The following NMU variants were observed in gnomAD, a reference collection of about 807,000 sequenced individuals.
NMU encodes the protein neuromedin-U.
In NMU, 29 loss-of-function variants were observed where a neutral mutation model predicts 35.4. The observed-to-expected ratio is 0.82, with a 90% CI of 0.61 to 1.12. NMU has a LOEUF of 1.12. Among genes scored for constraint, NMU ranks in the 50% most tolerant of loss-of-function variants. The pLI, the probability that NMU is intolerant of heterozygous loss-of-function variation, is 0.00. For synonymous variants in NMU, 78 were observed against 81.3 expected (o/e 0.96, Z 0.22); for missense variants, 199 against 206.2 (o/e 0.97, Z 0.21).
intron 1 of NMU, among the ~76,000 whole-genome samples, chr4:55,633,060 C>T (rs1029015848): frequency 6.6e-6 from 1 of 151,582 alleles, no homozygotes; most frequent in Non-Finnish European, 1.5e-5. Flanking sequence ...TGCAGTGGCT[C>T]ACACCTGTAA....
chr4:55,616,288 G>T, intron 3 of NMU, 50 bp downstream of exon 3: 1 of 1,317,058 alleles, frequency 7.6e-7, no homozygotes, highest in Non-Finnish European at 1.1e-6. Flanking sequence ...GAGAGTTTAA[G>T]CACTACACAA....
intron 7 of NMU, 134 bp from the exon 8 acceptor site, chr4:55,600,709 T>C (rs11727729): frequency 0.06 from 39,569 of 662,344 alleles, 1,436 homozygotes; most frequent in Non-Finnish European, 0.076. Context: ...GGGACTTGAA[T>C]AGAGAATTTT....
intron 2 of NMU, among the ~76,000 whole-genome samples, chr4:55,619,274 G>A (rs745860442): frequency 3.0e-4 from 44 of 148,144 alleles, no homozygotes; most frequent in East Asian, 8.2e-4. Flanking sequence ...TCACTAGGGA[G>A]TGCCAGACAG....
At position 55,609,103 on chromosome 4, in the gene NMU, C is replaced by T. The variant is rs753215268; in HGVS notation, c.279+17G>A. On this transcript the variant is annotated intron_variant, in intron 4 of 9. Coordinates refer to ENST00000264218, the MANE Select transcript of NMU (RefSeq NM_006681.4). ...GGATAATTTTTGTCTACAAACAAAACACTATTTCAAGCTTACCTGAGGCTT... is the reference window on the plus strand; with the variant it reads ...GGATAATTTTTGTCTACAAACAAAATACTATTTCAAGCTTACCTGAGGCTT... 1 of 1,608,994 alleles carries T rather than the reference C, an allele frequency of 6.2e-7. No homozygotes were observed.
At chr4:55,618,741 TTTC>T (rs1354703690) in intron 2 of NMU, among the ~76,000 whole-genome samples, 1 of 130,556 alleles carries the variant, frequency 7.7e-6, no homozygotes, top group Non-Finnish European at 1.6e-5. Context: ...TTTCTTTCTT[TTTC>T]TTCTCTTTCT....
At chr4:55,634,947 G>A (rs950579405) in intron 1 of NMU, among the ~76,000 whole-genome samples, 8 of 152,090 alleles carry the variant, frequency 5.3e-5, no homozygotes, top group African/African-American at 1.9e-4. Flanking sequence ...ACAATGAGAG[G>A]AGAATAATAA....
At chr4:55,631,014 G>A (rs1734733148) in intron 1 of NMU, among the ~76,000 whole-genome samples, 1 of 152,030 alleles carries the variant, frequency 6.6e-6, no homozygotes, top group Admixed American at 6.6e-5. Context: ...AGAGAACAAA[G>A]AAAGAAAGCC....
At chr4:55,608,458 CAG>C (rs1733793727) in intron 4 of NMU, among the ~76,000 whole-genome samples, 1 of 152,182 alleles carries the variant, frequency 6.6e-6, no homozygotes, top group East Asian at 1.9e-4. Context: ...GTATGGAAGT[CAG>C]AGTGTACCAA....
At chr4:55,630,968 G>T (rs1734731258) in intron 1 of NMU, among the ~76,000 whole-genome samples, 2 of 152,074 alleles carry the variant, frequency 1.3e-5, no homozygotes, top group Admixed American at 6.6e-5. Flanking sequence ...TATGGTACTG[G>T]TATAAAAATA....
At chr4:55,608,174 CAAAAA>C (rs3035745) in intron 4 of NMU, among the ~76,000 whole-genome samples, 28 of 110,392 alleles carry the variant, frequency 2.5e-4, no homozygotes, top group Middle Eastern at 4.6e-3. Context: ...GACTCCATCT[CAAAAA>C]AAAAAAAAAA....
chr4:55,603,973 A>C (rs1733549802), intron 7 of NMU, among the ~76,000 whole-genome samples: 1 of 96,250 alleles, frequency 1.0e-5, no homozygotes, highest in Non-Finnish European at 2.3e-5. Flanking sequence ...ATATACGTAT[A>C]TATGTATATA....
chr4:55,598,089 G>GTTTTTTTTTTTT (rs10588154), intron 9 of NMU, among the ~76,000 whole-genome samples: 2 of 85,394 alleles, frequency 2.3e-5, no homozygotes, highest in African/African-American at 8.6e-5. Context: ...TTTGGTTGTG[G>GTTTTTTTTTTTT]TTTTTTTTTT....
At chr4:55,630,291 T>A (rs1242338795) in intron 2 of NMU, 111 bp downstream of exon 2, 2 of 871,886 alleles carry the variant, frequency 2.3e-6, no homozygotes, top group Non-Finnish European at 3.8e-6. Flanking sequence ...GGTTTTATTA[T>A]TAGAGTGTTG....
intron 3 of NMU, among the ~76,000 whole-genome samples, chr4:55,610,826 T>C (rs1255242244): frequency 6.6e-6 from 1 of 152,232 alleles, no homozygotes; most frequent in Non-Finnish European, 1.5e-5. Flanking sequence ...AAGATTATTA[T>C]GAAGCTGAAA....
intron 6 of NMU, among the ~76,000 whole-genome samples, chr4:55,606,637 T>C (rs1040176523): frequency 2.0e-5 from 3 of 152,024 alleles, no homozygotes; most frequent in Middle Eastern, 3.2e-3. Flanking sequence ...ATTTTCTTGG[T>C]CTTTAGAATG....
At chr4:55,603,648 C>A (rs1577935699) in intron 7 of NMU, among the ~76,000 whole-genome samples, 1 of 151,752 alleles carries the variant, frequency 6.6e-6, no homozygotes, top group Non-Finnish European at 1.5e-5. Flanking sequence ...CGCAGTGGCT[C>A]ACGCCTGTAA....
At chr4:55,607,946 G>T (rs1249604225) in intron 4 of NMU, among the ~76,000 whole-genome samples, 2 of 152,108 alleles carry the variant, frequency 1.3e-5, no homozygotes, top group Non-Finnish European at 1.5e-5. Flanking sequence ...CGAGGTGGGC[G>T]GATCACAAGG....
Position 55,636,273 on chromosome 4 carries a change from G to A in NMU, c.-81C>T. 1 of 1,400,886 alleles carries A rather than the reference G, an allele frequency of 7.1e-7. No homozygotes were observed. 86.8% of individuals were successfully genotyped at this position (1,400,886 alleles called of 1,614,324 possible). A position where few individuals can be genotyped will look rare whatever the true frequency, so the allele number is the denominator to read the frequency against. On this transcript the variant is annotated 5_prime_UTR_variant, in exon 1 of 10. Coordinates refer to ENST00000264218, the MANE Select transcript of NMU (RefSeq NM_006681.4). This position sits in a 1 kb window ranked among gnomAD's most constrained non-coding sequence, Gnocchi z 4.0. The stretch of plus-strand genomic sequence containing the variant: ...TGGTGCTCCACCTGGTGCCCTGGCT[G>A]TGCCTCGGGGCCCGGACACAGGACT...
At chr4:55,604,208 G>A (rs1733578993) in intron 7 of NMU, among the ~76,000 whole-genome samples, 1 of 150,702 alleles carries the variant, frequency 6.6e-6, no homozygotes, top group African/African-American at 2.4e-5. Flanking sequence ...TGGGATCACA[G>A]GCGCCCACCG....
Sources: allele counts gnomAD v4.1 joint callset (sites outside exome capture counted in the v4.1 genomes callset), GRCh38; gene constraint gnomAD v4.1.1; non-coding constraint Gnocchi (gnomAD v3.1); transcripts MANE v1.5; gene names NCBI Gene and HGNC (gene_info 2026-07-23, HGNC 2026-07-21).